Variants in ZNF441 observed in about 807,000 individuals in gnomAD.
The protein encoded by ZNF441 is zinc finger protein 441.
Under a neutral mutation model 64.5 loss-of-function variants are expected in ZNF441, and 25 were observed. The ratio of observed to expected loss-of-function variants is 0.39; its 90% CI spans 0.28 to 0.54. The LOEUF is 0.54. ZNF441 is among the 20% of genes least tolerant of loss of function. ZNF441 has a pLI of 0.70. For synonymous variants in ZNF441, 262 were observed against 268.0 expected (o/e 0.98, Z 0.22); for missense variants, 715 against 843.3 (o/e 0.85, Z 1.88).
intron 3 of ZNF441, among the ~76,000 whole-genome samples, chr19:11,778,878 C>T (rs1458011777): frequency 3.3e-5 from 5 of 152,182 alleles, no homozygotes; most frequent in Admixed American, 1.3e-4. Flanking sequence ...TCAGTGCCTG[C>T]AAAATAGTTC....
chr19:11,768,385 G>A (rs1215140992), intron 1 of ZNF441, among the ~76,000 whole-genome samples: 2 of 152,044 alleles, frequency 1.3e-5, no homozygotes. Flanking sequence ...CAGACATTTC[G>A]CTGTAAAAAA....
chr19:11,767,514 G>A lies in ZNF441; in HGVS notation c.3+318G>A, dbSNP rs1380805015. Among the ~76,000 whole-genome samples, 1 of 152,242 alleles carries A rather than the reference G, an allele frequency of 6.6e-6. No homozygotes were observed. The highest frequency in any genetic ancestry group is 2.4e-5 in the African/African-American group (1 of 41,458). ...GCCCGAGTCACTGCACCGAGACGCC[G>A]AGGGCTGCAGCAGAAACAGTTTAAT... On this transcript the variant is annotated intron_variant, in intron 1 of 3. Transcript: ENST00000357901. This position sits in a 1 kb window ranked among gnomAD's most constrained non-coding sequence, Gnocchi z 5.1.
Position 11,767,128 on chromosome 19 carries a change from G to A in ZNF441, c.-66G>A. The A allele has an allele frequency of 6.4e-7, 1 of 1,552,364 alleles. No homozygotes were observed. Among genetic ancestry groups the A allele is most frequent in the Non-Finnish European group, 8.7e-7 (1 of 1,147,424 alleles). On this transcript the variant is annotated 5_prime_UTR_variant, in exon 1 of 4. Transcript: ENST00000357901. The surrounding 1 kb of genome is among the most constrained non-coding windows in gnomAD (Gnocchi z 5.1). The stretch of plus-strand genomic sequence containing the variant: ...CCCTGGAACGTCTGTGGCAGCTTCT[G>A]TCTCGCTGGGACCCGCACTGACAGC...
rs1975365326 is a variant in ZNF441 at position 11,777,608 on chromosome 19, C to T, written c.4-3C>T. Reference sequence around the variant, plus strand: ...CCTCCTCTGCACATGTGAAATATTTCAGGACTCAGTGGCATTTGAGGATGT... The same window carrying T: ...CCTCCTCTGCACATGTGAAATATTTTAGGACTCAGTGGCATTTGAGGATGT... On this transcript the variant is annotated splice_polypyrimidine_tract_variant and splice_region_variant and intron_variant, in intron 1 of 3. Coordinates refer to ENST00000357901, the MANE Select transcript of ZNF441 (RefSeq NM_152355.3). 5.6e-6 allele frequency: 9 copies of T among 1,610,780 alleles called. No individual in the cohort carries two copies. The highest frequency in any genetic ancestry group is 7.6e-6 in the Non-Finnish European group (9 of 1,178,554).
Position 11,784,076 on chromosome 19 carries a change from T to C in ZNF441, c.*2170T>C, listed in dbSNP as rs978537580. 7.2e-5 allele frequency: 11 copies of C among 152,182 alleles called. No individual in the cohort carries two copies. Among genetic ancestry groups the C allele is most frequent in the Non-Finnish European group, 1.5e-4 (10 of 68,020 alleles). 9.4% of individuals were successfully genotyped at this position (152,182 alleles called of 1,614,324 possible). A position where few individuals can be genotyped will look rare whatever the true frequency, so the allele number is the denominator to read the frequency against. On this transcript the variant is annotated 3_prime_UTR_variant, in exon 4 of 4. Transcript: ENST00000357901. Reference sequence around the variant, plus strand: ...GAAAATATATAAGATAGTTTTAAAATAACACTATTGTCAGGTGTCTGTGGG... The same window carrying C: ...GAAAATATATAAGATAGTTTTAAAACAACACTATTGTCAGGTGTCTGTGGG...
In ZNF441 at chr19:11,767,113, T is replaced by G; in HGVS notation, c.-81T>G. 1.3e-6 allele frequency: 2 copies of G among 1,549,754 alleles called. No individual in the cohort carries two copies. The highest frequency in any genetic ancestry group is 2.4e-5 in the South Asian group (2 of 83,972). ...TGTCACTGAGAGACGCCCTGGAACG[T>G]CTGTGGCAGCTTCTGTCTCGCTGGG... On this transcript the variant is annotated 5_prime_UTR_variant, in exon 1 of 4. Coordinates refer to ENST00000357901, the MANE Select transcript of ZNF441 (RefSeq NM_152355.3). This position sits in a 1 kb window ranked among gnomAD's most constrained non-coding sequence, Gnocchi z 5.1.
In ZNF441 at chr19:11,780,298, A is replaced by G. The variant is rs1975389750; in HGVS notation, c.474A>G (p.Ile158Met). 1.2e-6 allele frequency: 2 copies of G among 1,614,218 alleles called. No individual in the cohort carries two copies. Among genetic ancestry groups the G allele is most frequent in the Non-Finnish European group, 1.7e-6 (2 of 1,180,054 alleles). Reference protein sequence around the residue: ...TAFSYQPCFQIHERPQHGKKL... With the variant: ...TAFSYQPCFQMHERPQHGKKL... Reference sequence around the variant, plus strand: ...TCAGTTATCAGCCCTGCTTTCAAATACATGAAAGACCTCAGCATGGAAAGA... The same window carrying G: ...TCAGTTATCAGCCCTGCTTTCAAATGCATGAAAGACCTCAGCATGGAAAGA... The change falls in exon 4 of 4, where the codon ATA becomes ATG. Residue 158 changes from isoleucine (I) to methionine (M), a missense_variant. Transcript: ENST00000357901.
At chr19:11,775,261 T>C (rs1359813503) in intron 1 of ZNF441, among the ~76,000 whole-genome samples, 2 of 152,214 alleles carry the variant, frequency 1.3e-5, no homozygotes, top group Non-Finnish European at 2.9e-5. Context: ...TTTGTGAAAA[T>C]GTGTTTTTTC....
In ZNF441 at chr19:11,781,365, C is replaced by T; in HGVS notation, c.1541C>T (p.Ser514Phe). Reference protein sequence around the residue: ...KCKICGKSFDSPSSFRRHERI... With the variant: ...KCKICGKSFDFPSSFRRHERI... The stretch of plus-strand genomic sequence containing the variant: ...AAGATATGTGGGAAAAGCTTTGATT[C>T]TCCCAGTTCATTTCGAAGACATGAA... Residue 514 changes from serine to phenylalanine, a missense_variant, in exon 4 of 4, where the codon TCT (serine) becomes TTT (phenylalanine). This residue lies in a region of ZNF441 where 316 missense variants were observed against 429.3 expected (regional missense o/e 0.74). Coordinates refer to ENST00000357901, the MANE Select transcript of ZNF441 (RefSeq NM_152355.3). The T allele has an allele frequency of 6.2e-7, 1 of 1,611,046 alleles. No individual in the cohort carries two copies. Among genetic ancestry groups the T allele is most frequent in the Non-Finnish European group, 8.5e-7 (1 of 1,179,244 alleles).
At chr19:11,769,599 T>C (rs1975297054) in intron 1 of ZNF441, among the ~76,000 whole-genome samples, 3 of 152,232 alleles carry the variant, frequency 2.0e-5, no homozygotes, top group African/African-American at 7.2e-5. Flanking sequence ...ACAACAGATA[T>C]TCATTTCTCA....
chr19:11,780,593 T>C lies in ZNF441; in HGVS notation c.769T>C (p.Cys257Arg), dbSNP rs1278191815. 3 of 1,614,172 alleles carry C rather than the reference T, an allele frequency of 1.9e-6. No homozygotes were observed. The Admixed American group carries it at 5.0e-5, about 27-fold the overall frequency. The change falls in exon 4 of 4, where the codon TGT becomes CGT. Residue 257 changes from cysteine (C) to arginine (R), a missense_variant. Physicochemically the swap from Cys to Arg is radical, Grantham distance 180 (BLOSUM62 -3). Around this residue, in one of 2 missense-constraint regions of ZNF441, gnomAD observed 399 missense variants for 413.9 expected, o/e 0.96. Coordinates refer to ENST00000357901, the MANE Select transcript of ZNF441 (RefSeq NM_152355.3). ...SGEKPYQCKQ[C>R]GKAFSCSCYT... Reference sequence around the variant, plus strand: ...AGAGAAACCCTATCAATGTAAACAATGTGGGAAAGCCTTCAGTTGTTCCTG... The same window carrying C: ...AGAGAAACCCTATCAATGTAAACAACGTGGGAAAGCCTTCAGTTGTTCCTG...
intron 1 of ZNF441, among the ~76,000 whole-genome samples, chr19:11,775,578 C>G (rs11666258): frequency 0.32 from 48,593 of 149,732 alleles, 9,033 homozygotes; most frequent in East Asian, 0.52. Flanking sequence ...ATCCGCCCAC[C>G]TCGGCCTCCC....
At chr19:11,770,216 G>A (rs1975302540) in intron 1 of ZNF441, among the ~76,000 whole-genome samples, 1 of 152,072 alleles carries the variant, frequency 6.6e-6, no homozygotes, top group African/African-American at 2.4e-5. Context: ...ATGGTGGCAG[G>A]CAAGACAGCA....
At position 11,780,677 on chromosome 19, in the gene ZNF441, T is replaced by C; in HGVS notation, c.853T>C (p.Cys285Arg). 6.2e-7 allele frequency: 1 copy of C among 1,614,106 alleles called. No homozygotes were observed. The highest frequency in any genetic ancestry group is 8.5e-7 in the Non-Finnish European group (1 of 1,180,010). Residue 285 changes from cysteine (C) to arginine (R), a missense_variant, in exon 4 of 4, where the codon TGT becomes CGT. By Grantham distance (180) the Cys-to-Arg change is radical. Coordinates refer to ENST00000357901, the MANE Select transcript of ZNF441 (RefSeq NM_152355.3). The stretch of plus-strand genomic sequence containing the variant: ...AGAACAATCCTATGAATGTAAGCAA[T>C]GTGGGAAAGCATTTTATCATCTTGG... ...TGEQSYECKQ[C>R]GKAFYHLGSF...
chr19:11,778,057 T>C (rs1195614010), intron 2 of ZNF441: 3 of 432,946 alleles, frequency 6.9e-6, no homozygotes, highest in Non-Finnish European at 1.2e-5. Context: ...CATTATTTAG[T>C]ATTCATAGAA....
At chr19:11,772,904 C>T (rs999245084) in intron 1 of ZNF441, among the ~76,000 whole-genome samples, 3 of 152,184 alleles carry the variant, frequency 2.0e-5, no homozygotes, top group Non-Finnish European at 2.9e-5. Flanking sequence ...CACCATTCTC[C>T]TGCCTAGCTC....
chr19:11,769,067 G>A (rs1334840545), intron 1 of ZNF441, among the ~76,000 whole-genome samples: 1 of 152,172 alleles, frequency 6.6e-6, no homozygotes, highest in East Asian at 1.9e-4. Context: ...TAGGGAGGTG[G>A]TGAAAGGAGA....
chr19:11,768,330 T>C (rs1167357373), intron 1 of ZNF441, among the ~76,000 whole-genome samples: 1 of 152,202 alleles, frequency 6.6e-6, no homozygotes, highest in Non-Finnish European at 1.5e-5. Flanking sequence ...TAAAAGGTTT[T>C]GTGTTTGTGA....
At position 11,780,765 on chromosome 19, in the gene ZNF441, G is replaced by T. The variant is rs770326022; in HGVS notation, c.941G>T (p.Gly314Val). ...GGGCCTCATAAATGTAAGATATGTG[G>T]AAAAGGCTTTCTTTCTCCCAGTTCA... Reference protein sequence around the residue: ...GDGPHKCKICGKGFLSPSSVR... With the variant: ...GDGPHKCKICVKGFLSPSSVR... Residue 314 changes from glycine to valine, a missense_variant, in exon 4 of 4, where the codon GGA becomes GTA. By Grantham distance (109) the Gly-to-Val change is moderately radical (BLOSUM62 -3). Around this residue, in one of 2 missense-constraint regions of ZNF441, gnomAD observed 399 missense variants for 413.9 expected, o/e 0.96. Coordinates refer to ENST00000357901, the MANE Select transcript of ZNF441 (RefSeq NM_152355.3). 1 of 1,614,168 alleles carries T rather than the reference G, an allele frequency of 6.2e-7. No homozygotes were observed.
Sources: allele counts gnomAD v4.1 joint callset (sites outside exome capture counted in the v4.1 genomes callset), GRCh38; gene constraint gnomAD v4.1.1; regional missense constraint gnomAD v4.1.1; non-coding constraint Gnocchi (gnomAD v3.1); transcripts MANE v1.5; gene names NCBI Gene and HGNC (gene_info 2026-07-23, HGNC 2026-07-21).